Variants in ITGA7 observed in about 807,000 individuals in gnomAD.
ITGA7 encodes integrin subunit alpha 7.
Under a neutral mutation model 131.6 loss-of-function variants are expected in ITGA7, and 84 were observed. The ratio of observed to expected loss-of-function variants is 0.64; its 90% CI spans 0.54 to 0.77. ITGA7 has a LOEUF of 0.77. Ranked by LOEUF, ITGA7 falls within the 30% of genes least tolerant of loss-of-function variation. The pLI, the probability that ITGA7 is intolerant of heterozygous loss-of-function variation, is 0.00. For synonymous variants in ITGA7, 548 were observed against 600.7 expected (o/e 0.91, Z 1.28); for missense variants, 1,399 against 1,482.9 (o/e 0.94, Z 0.93).
At position 55,694,997 on chromosome 12, in the gene ITGA7, A is replaced by G; in HGVS notation, c.2004-27T>C. The stretch of plus-strand genomic sequence containing the variant: ...TGGAGAGTCAGACCCCACTCCTGCT[A>G]AGTTCTGAACACCTCCCCCTACCAT... On this transcript the variant is annotated intron_variant, in intron 14 of 24. Coordinates refer to ENST00000257879, the MANE Select transcript of ITGA7 (RefSeq NM_002206.3). This position sits in a 1 kb window ranked among gnomAD's most constrained non-coding sequence, Gnocchi z 5.3. 1 of 1,606,872 alleles carries G rather than the reference A, an allele frequency of 6.2e-7. No individual in the cohort carries two copies. The highest frequency in any genetic ancestry group is 8.5e-7 in the Non-Finnish European group (1 of 1,177,930).
intron 1 of ITGA7, among the ~76,000 whole-genome samples, chr12:55,706,576 T>A (rs1458837894): frequency 1.3e-5 from 2 of 152,144 alleles, no homozygotes; most frequent in Admixed American, 1.3e-4. Flanking sequence ...CCTCCCTTTT[T>A]ACAATCAGAC....
Position 55,696,786 on chromosome 12 carries a change from C to G in ITGA7, c.1737+113G>C, listed in dbSNP as rs1872714152. On this transcript the variant is annotated intron_variant, in intron 12 of 24. Transcript: ENST00000257879. Reference sequence around the variant, plus strand: ...CTCAGAAGACAGGTTTCCCACGTGTCTAGGTCTTAGAAGGAGGCACGAGTG... The same window carrying G: ...CTCAGAAGACAGGTTTCCCACGTGTGTAGGTCTTAGAAGGAGGCACGAGTG... The G allele has an allele frequency of 3.3e-6, 4 of 1,215,700 alleles. No individual in the cohort carries two copies. The East Asian group carries it at 9.5e-5, about 29-fold the overall frequency. 75.3% of individuals were successfully genotyped at this position (1,215,700 alleles called of 1,614,324 possible). A position where few individuals can be genotyped will look rare whatever the true frequency, so the allele number is the denominator to read the frequency against.
chr12:55,706,846 G>A (rs1246713862), intron 1 of ITGA7, among the ~76,000 whole-genome samples: 1 of 152,112 alleles, frequency 6.6e-6, no homozygotes, highest in Non-Finnish European at 1.5e-5. Context: ...ACTGCTACTA[G>A]TACTTTGAGG....
intron 5 of ITGA7, chr12:55,699,504 G>A (rs2136043311): frequency 2.9e-6 from 1 of 339,534 alleles, no homozygotes; most frequent in Admixed American, 4.2e-5. Context: ...CAACGAGAGG[G>A]ACTTACCAAC....
In ITGA7 at chr12:55,698,871, C is replaced by T. The variant is rs767819523; in HGVS notation, c.837G>A (p.Leu279=). The T allele has an allele frequency of 1.9e-6, 3 of 1,613,978 alleles. No homozygotes were observed. In the East Asian group the frequency reaches 6.7e-5, roughly 36 times the overall value. Residue 279 remains leucine (L), a synonymous_variant, in exon 6 of 25, where the codon CTG becomes CTA. Transcript: ENST00000257879. ...CGCGGGGGGCTCCAGCCACAAAGCT[C>T]AGCTCTTCTGCACGCACCAGACCTT... The part of the protein sequence containing the change: ...SGKGLVRAEE[L]SFVAGAPRAN...
In ITGA7 at chr12:55,688,944, C is replaced by G. The variant is rs933862078; in HGVS notation, c.2858G>C (p.Gly953Ala). Residue 953 changes from glycine to alanine, a missense_variant, in exon 22 of 25, where the codon GGC becomes GCC. By Grantham distance (60) the Gly-to-Ala change is moderately conservative. Transcript: ENST00000257879. The part of the protein sequence containing the change: ...KKNITLDCAR[G>A]TANCVVFSCP... ...GCTGAACACCACACAGTTGGCCGTG[C>G]CCCGGGCGCAGTCCTAGGGATAAGG... The G allele has an allele frequency of 1.2e-6, 2 of 1,613,602 alleles. No individual in the cohort carries two copies. Among genetic ancestry groups the G allele is most frequent in the Non-Finnish European group, 1.7e-6 (2 of 1,179,784 alleles).
In ITGA7 at chr12:55,707,556, G is replaced by A. The variant is rs939063746; in HGVS notation, c.127C>T (p.Arg43Cys). 47 of 1,613,824 alleles carry A rather than the reference G, an allele frequency of 2.9e-5. No homozygotes were observed. The highest frequency in any genetic ancestry group is 3.7e-5 in the Non-Finnish European group (44 of 1,179,960). The part of the protein sequence containing the change: ...AFNLDVMGAL[R>C]KEGEPGSLFG... ...AGGCTGCCTGGCTCGCCCTCCTTGCGCAAGGCACCCATCACGTCCAGATTG... is the reference window on the plus strand; with the variant it reads ...AGGCTGCCTGGCTCGCCCTCCTTGCACAAGGCACCCATCACGTCCAGATTG... Residue 43 changes from arginine to cysteine, a missense_variant, in exon 1 of 25, where the codon CGC becomes TGC. Physicochemically the swap from Arg to Cys is radical, Grantham distance 180. Transcript: ENST00000257879.
At chr12:55,700,269 G>C in intron 4 of ITGA7, 1 of 1,605,142 alleles carries the variant, frequency 6.2e-7, no homozygotes, top group Admixed American at 1.7e-5. Flanking sequence ...TACCAAAGTA[G>C]CTGTTGGCAG....
At position 55,707,820 on chromosome 12, in the gene ITGA7, G is replaced by GGCCCAAACC; in HGVS notation, c.-139_-138insGGTTTGGGC. On this transcript the variant is annotated 5_prime_UTR_variant, in exon 1 of 25. Coordinates refer to ENST00000257879, the MANE Select transcript of ITGA7 (RefSeq NM_002206.3). ...CGTCTCCCAGACGTTCGCCCCGCCA[G>GGCCCAAACC]CCCTCCCGCCCGCCCGCCGCTCCGC... 6.9e-7 allele frequency: 1 copy of GGCCCAAACC among 1,455,772 alleles called. No individual in the cohort carries two copies. The highest frequency in any genetic ancestry group is 9.1e-7 in the Non-Finnish European group (1 of 1,102,484). The allele number at this position is 1,455,772 out of a possible 1,614,324, so 90.2% of individuals were successfully genotyped here.
At position 55,694,770 on chromosome 12, in the gene ITGA7, G is replaced by C. The variant is rs764222901; in HGVS notation, c.2196+8C>G. On this transcript the variant is annotated splice_region_variant and intron_variant, in intron 15 of 24. Coordinates refer to ENST00000257879, the MANE Select transcript of ITGA7 (RefSeq NM_002206.3). This position sits in a 1 kb window ranked among gnomAD's most constrained non-coding sequence, Gnocchi z 5.3. ...AGACCCCACCCCATCCTGCCCCCAG[G>C]TCCTCACCGCAGGGTCCAGGGCCCG... 1.9e-6 allele frequency: 3 copies of C among 1,613,840 alleles called. No homozygotes were observed. Among genetic ancestry groups the C allele is most frequent in the Non-Finnish European group, 2.5e-6 (3 of 1,179,948 alleles).
chr12:55,689,608 C>T (rs1348929712), intron 21 of ITGA7, among the ~76,000 whole-genome samples: 1 of 152,212 alleles, frequency 6.6e-6, no homozygotes, highest in Non-Finnish European at 1.5e-5. Flanking sequence ...CATCACACCA[C>T]GATCCAGACA....
chr12:55,707,823 C>CCGG lies in ITGA7; in HGVS notation c.-142_-141insCCG. On this transcript the variant is annotated 5_prime_UTR_variant, in exon 1 of 25. Coordinates refer to ENST00000257879, the MANE Select transcript of ITGA7 (RefSeq NM_002206.3). ...CTCCCAGACGTTCGCCCCGCCAGCC[C>CCGG]TCCCGCCCGCCCGCCGCTCCGCCAC... 6.9e-7 allele frequency: 1 copy of CCGG among 1,456,454 alleles called. No homozygotes were observed. The highest frequency in any genetic ancestry group is 9.1e-7 in the Non-Finnish European group (1 of 1,098,114). 90.2% of individuals were successfully genotyped at this position (1,456,454 alleles called of 1,614,324 possible).
At position 55,697,775 on chromosome 12, in the gene ITGA7, CAG is replaced by C. The variant is rs1159266550; in HGVS notation, c.1327_1328del (p.Leu443ValfsTer13). The C allele has an allele frequency of 6.2e-7, 1 of 1,614,154 alleles. No homozygotes were observed. The highest frequency in any genetic ancestry group is 1.7e-5 in the Admixed American group (1 of 60,018). ...TCCCATCCATATCCAAGCTGCCTGA[CAG>C]GGAGTAGCCGAAGCTCTTGATGCCC... is the stretch of plus-strand genomic sequence containing the variant. ...AVGIKSFGYS[L>X]SGSLDMDGNQ... On this transcript the variant is annotated frameshift_variant, in exon 9 of 25. Transcript: ENST00000257879. LOFTEE classifies it high-confidence loss of function.
rs757790681 is a variant in ITGA7 at position 55,698,869 on chromosome 12, C to T, written c.839G>A (p.Ser280Asn). Residue 280 changes from serine (S) to asparagine (N), a missense_variant, in exon 6 of 25, where the codon AGC becomes AAC. Physicochemically the swap from Ser to Asn is conservative, Grantham distance 46. Coordinates refer to ENST00000257879, the MANE Select transcript of ITGA7 (RefSeq NM_002206.3). ...GKGLVRAEEL[S>N]FVAGAPRANH... is the part of the protein sequence containing the mutation. ...GGCGCGGGGGGCTCCAGCCACAAAG[C>T]TCAGCTCTTCTGCACGCACCAGACC... The T allele has an allele frequency of 1.9e-6, 3 of 1,613,982 alleles. No individual in the cohort carries two copies. The highest frequency in any genetic ancestry group is 1.1e-5 in the South Asian group (1 of 91,080).
In ITGA7 at chr12:55,698,786, C is replaced by A. The variant is rs746101495; in HGVS notation, c.922G>T (p.Glu308Ter). 1 of 1,614,150 alleles carries A rather than the reference C, an allele frequency of 6.2e-7. No homozygotes were observed. The highest frequency in any genetic ancestry group is 8.5e-7 in the Non-Finnish European group (1 of 1,180,012). Residue 308 changes from glutamate (E) to a stop codon, truncating the protein, a stop_gained, in exon 6 of 25, where the codon GAG (glutamate) becomes TAG (stop). Transcript: ENST00000257879. LOFTEE classifies it high-confidence loss of function. ...RKDSASRLVP[E>*]VMLSGERLTS... is the part of the protein sequence containing the mutation. ...AGGCGCTCCCCAGACAGCATAACCT[C>A]GGGCACCAGGCGACTGGCGCTGTCC... is the stretch of plus-strand genomic sequence containing the variant.
At chr12:55,686,484 A>C (rs1870175928) in intron 24 of ITGA7, among the ~76,000 whole-genome samples, 1 of 152,194 alleles carries the variant, frequency 6.6e-6, no homozygotes, top group African/African-American at 2.4e-5. Context: ...AAGGTTCCCA[A>C]CAGCTTGGAT....
intron 24 of ITGA7, 102 bp from the exon 25 acceptor site, chr12:55,685,390 C>T (rs1592388460): frequency 1.6e-5 from 17 of 1,073,122 alleles, no homozygotes; most frequent in East Asian, 4.9e-5. Context: ...ATCCCTGCTG[C>T]GGCAGAAAGG....
At chr12:55,712,314 GCCAACATTTGGAA>G (rs1565649154), upstream of ITGA7, 1 of 1,394,782 alleles carries the variant, frequency 7.2e-7, no homozygotes, top group Admixed American at 2.0e-5. Flanking sequence ...CTGGCTTCAG[GCCAACATTTGGAA>G]CTTAGCCACA....
chr12:55,703,759 G>A (rs1874592394), intron 1 of ITGA7, among the ~76,000 whole-genome samples: 1 of 152,152 alleles, frequency 6.6e-6, no homozygotes, highest in Admixed American at 6.5e-5. Context: ...AGCTGTGCCA[G>A]CCCAGGATTC....
Sources: allele counts gnomAD v4.1 joint callset (sites outside exome capture counted in the v4.1 genomes callset), GRCh38; gene constraint gnomAD v4.1.1; non-coding constraint Gnocchi (gnomAD v3.1); transcripts MANE v1.5; gene names NCBI Gene and HGNC (gene_info 2026-07-23, HGNC 2026-07-21).